Variants in CSMD1 observed in about 807,000 individuals in gnomAD.
The protein encoded by CSMD1 is CUB and Sushi multiple domains 1, also known as CUB and sushi domain-containing protein 1.
A neutral mutation model predicts 417.5 loss-of-function variants in CSMD1; 213 were observed. The observed-to-expected ratio is 0.51, with a 90% confidence interval of 0.46 to 0.57. The LOEUF is 0.57. Ranked by LOEUF, CSMD1 falls within the 20% of genes least tolerant of loss-of-function variation. The probability of loss-of-function intolerance (pLI) is 0.00; values close to 1 mark genes in which losing one functional copy is unlikely to be tolerated. For synonymous variants in CSMD1, 2,862 were observed against 1,736.8 expected (o/e 1.65, Z -16.11); for missense variants, 6,923 against 4,529.7 (o/e 1.53, Z -15.17).
chr8:3,187,347 G>A (rs1488005159), intron 36 of CSMD1, among the ~76,000 whole-genome samples: 2 of 152,186 alleles, frequency 1.3e-5, no homozygotes, highest in African/African-American at 4.8e-5. Flanking sequence ...GGCATTTGGA[G>A]AGCAGACTCG....
chr8:4,133,736 GT>G (rs202238657), intron 3 of CSMD1, among the ~76,000 whole-genome samples: 7 of 151,906 alleles, frequency 4.6e-5, no homozygotes, highest in Admixed American at 6.6e-5. Context: ...TATGGTTATG[GT>G]TTTTTTTATT....
intron 5 of CSMD1, among the ~76,000 whole-genome samples, chr8:3,916,526 C>T (rs955576765): frequency 6.6e-6 from 1 of 152,064 alleles, no homozygotes. Flanking sequence ...TAGGGATACG[C>T]CTAGGTTGAA....
chr8:4,961,074 A>C (rs1482629659), intron 1 of CSMD1, among the ~76,000 whole-genome samples: 2 of 152,240 alleles, frequency 1.3e-5, no homozygotes, highest in Admixed American at 6.5e-5. Flanking sequence ...CTTTGGAGTA[A>C]AATTAACAAC....
intron 5 of CSMD1, among the ~76,000 whole-genome samples, chr8:3,901,912 T>G (rs901825665): frequency 1.3e-5 from 2 of 152,226 alleles, no homozygotes; most frequent in African/African-American, 2.4e-5. Flanking sequence ...TCTCATGCCA[T>G]GATGTGTGAC....
chr8:4,652,117 A>C (rs1442591059), intron 1 of CSMD1, among the ~76,000 whole-genome samples: 2 of 152,216 alleles, frequency 1.3e-5, no homozygotes, highest in East Asian at 3.9e-4. Flanking sequence ...ATTAATAATA[A>C]AGGAGATTAG....
chr8:4,897,497 G>A (rs1406305288), intron 1 of CSMD1, among the ~76,000 whole-genome samples: 4 of 151,974 alleles, frequency 2.6e-5, no homozygotes, highest in Non-Finnish European at 5.9e-5. Context: ...GTAGACCCTG[G>A]CTATAACCTC....
intron 10 of CSMD1, among the ~76,000 whole-genome samples, chr8:3,502,615 G>C (rs561748563): frequency 6.6e-6 from 1 of 152,244 alleles, no homozygotes; most frequent in South Asian, 2.1e-4. Flanking sequence ...AATTTTAGAA[G>C]GTGACGTGTT....
chr8:3,143,095 C>G (rs761896382), intron 40 of CSMD1, among the ~76,000 whole-genome samples: 2 of 152,114 alleles, frequency 1.3e-5, no homozygotes, highest in Non-Finnish European at 2.9e-5. Flanking sequence ...ATAGCTTTAT[C>G]AAGGAAAAAC....
intron 5 of CSMD1, among the ~76,000 whole-genome samples, chr8:3,755,706 T>C (rs768109367): frequency 2.6e-5 from 4 of 152,158 alleles, no homozygotes; most frequent in Non-Finnish European, 5.9e-5. Flanking sequence ...GGGGGCTCTA[T>C]TCCAACTCTC....
At chr8:4,938,628 A>G (rs543788576) in intron 1 of CSMD1, among the ~76,000 whole-genome samples, 1 of 152,212 alleles carries the variant, frequency 6.6e-6, no homozygotes, top group East Asian at 1.9e-4. Context: ...GCACATTTAC[A>G]TAAACACGTA....
chr8:3,495,394 T>C (rs570905035), intron 10 of CSMD1, among the ~76,000 whole-genome samples: 4 of 151,854 alleles, frequency 2.6e-5, no homozygotes, highest in Admixed American at 6.6e-5. Flanking sequence ...GTTTGGCTGA[T>C]TTGCAATGTG....
intron 12 of CSMD1, among the ~76,000 whole-genome samples, chr8:3,423,619 T>G (rs1813635158): frequency 6.6e-6 from 1 of 152,186 alleles, no homozygotes; most frequent in South Asian, 2.1e-4. Flanking sequence ...TGGCACCATT[T>G]GTCTATCTTG....
chr8:4,291,343 GATAAATTACAT>G (rs1216978963), intron 3 of CSMD1, among the ~76,000 whole-genome samples: 5 of 151,968 alleles, frequency 3.3e-5, no homozygotes, highest in African/African-American at 1.2e-4. Flanking sequence ...CCTTTAAATT[GATAAATTACAT>G]ATAAAAACAA....
At chr8:4,329,437 C>A (rs1039469207) in intron 3 of CSMD1, among the ~76,000 whole-genome samples, 1 of 152,132 alleles carries the variant, frequency 6.6e-6, no homozygotes, top group East Asian at 1.9e-4. Flanking sequence ...TACAGGCAGG[C>A]GTCAGCACAC....
chr8:3,737,598 G>C (rs13276152), intron 6 of CSMD1, among the ~76,000 whole-genome samples: 1 of 151,896 alleles, frequency 6.6e-6, no homozygotes, highest in Non-Finnish European at 1.5e-5. Flanking sequence ...ACACTGTCAA[G>C]AGAGATCACC....
Position 4,637,467 on chromosome 8 carries a change from G to A in CSMD1, c.177C>T (p.Thr59=), listed in dbSNP as rs767567522. ...PHGYPNYANC[T]WIIITGERNR... is the part of the protein sequence containing the mutation. The stretch of plus-strand genomic sequence containing the variant: ...TGCGCTCGCCCGTGATGATGATCCA[G>A]GTGCAGTTGGCATAGTTCGGATACC... The change falls in exon 2 of 70, where the codon ACC becomes ACT. Residue 59 remains threonine (T), a synonymous_variant. Transcript: ENST00000635120. 17 of 1,613,812 alleles carry A rather than the reference G, an allele frequency of 1.1e-5. No individual in the cohort carries two copies. The South Asian group carries it at 1.1e-4, about 10-fold the overall frequency.
chr8:4,271,172 A>C lies in CSMD1; in HGVS notation c.415+148781T>G, dbSNP rs911915720. Among the ~76,000 whole-genome samples the C allele has an allele frequency of 2.0e-5, 3 of 152,100 alleles. No homozygotes were observed. The East Asian group carries it at 5.8e-4, about 29-fold the overall frequency. ...TCACTACAGATATCATTTGCATTAC[A>C]TATGTTTTCATTTATGGATAGATGT... On this transcript the variant is annotated intron_variant, in intron 3 of 69. Coordinates refer to ENST00000635120, the MANE Select transcript of CSMD1 (RefSeq NM_033225.6).
chr8:3,257,600 G>A (rs1475562192), intron 26 of CSMD1, among the ~76,000 whole-genome samples: 4 of 152,186 alleles, frequency 2.6e-5, no homozygotes, highest in Admixed American at 6.5e-5. Flanking sequence ...GTTCCCCTGA[G>A]ATGATGACAC....
At chr8:4,253,609 T>C (rs1307388753) in intron 3 of CSMD1, among the ~76,000 whole-genome samples, 1 of 152,154 alleles carries the variant, frequency 6.6e-6, no homozygotes, top group Non-Finnish European at 1.5e-5. Context: ...AAAGTATCTG[T>C]CAAGTAAAAG....
Sources: allele counts gnomAD v4.1 joint callset (sites outside exome capture counted in the v4.1 genomes callset), GRCh38; gene constraint gnomAD v4.1.1; transcripts MANE v1.5; gene names NCBI Gene and HGNC (gene_info 2026-07-23, HGNC 2026-07-21).